CTNND2: variants seen among roughly 807,000 people sequenced by gnomAD.
CTNND2 encodes catenin delta-2.
CTNND2 carries 22 observed loss-of-function variants against 144.4 expected under a neutral mutation model. That is an observed-to-expected ratio of 0.15 (90% CI 0.11 to 0.22). CTNND2 has a LOEUF of 0.22. Among genes scored for constraint, CTNND2 ranks in the 10% least tolerant of loss-of-function variants. The pLI is 1.00. For synonymous variants in CTNND2, 751 were observed against 695.6 expected, an observed-to-expected ratio of 1.08 and a Z score of -1.25; for missense variants, 1,353 against 1,618.8, an observed-to-expected ratio of 0.84 and a Z score of 2.82.
intron 1 of CTNND2, among the ~76,000 whole-genome samples, chr5:11,779,450 C>T (rs545795814): frequency 2.0e-5 from 3 of 152,312 alleles, no homozygotes; most frequent in Admixed American, 6.5e-5. Context: ...TGACTCCAAT[C>T]GACCTAGTGG....
At chr5:11,878,536 A>T (rs1379721159) in intron 1 of CTNND2, among the ~76,000 whole-genome samples, 1 of 152,212 alleles carries the variant, frequency 6.6e-6, no homozygotes, top group Non-Finnish European at 1.5e-5. Flanking sequence ...CCAGATCTCA[A>T]ACTGAATACA....
intron 15 of CTNND2, among the ~76,000 whole-genome samples, chr5:11,096,560 GC>G (rs1449295201): frequency 1.3e-5 from 2 of 152,042 alleles, no homozygotes; most frequent in Non-Finnish European, 2.9e-5. Flanking sequence ...AATTCTAGAA[GC>G]TTGAGTTTGT....
chr5:11,863,008 T>G (rs1795573855), intron 1 of CTNND2, among the ~76,000 whole-genome samples: 1 of 152,200 alleles, frequency 6.6e-6, no homozygotes, highest in Non-Finnish European at 1.5e-5. Flanking sequence ...AGAGTTAGAT[T>G]TGGAGTCTCT....
chr5:11,216,393 G>T (rs1239467804), intron 10 of CTNND2, among the ~76,000 whole-genome samples: 2 of 152,242 alleles, frequency 1.3e-5, no homozygotes, highest in Admixed American at 6.5e-5. Flanking sequence ...CAACCAAAAA[G>T]TTCCTTTCAA....
At chr5:11,309,208 G>C (rs1423661442) in intron 9 of CTNND2, among the ~76,000 whole-genome samples, 3 of 152,164 alleles carry the variant, frequency 2.0e-5, no homozygotes, top group South Asian at 2.1e-4. Flanking sequence ...CTGTCCTCCA[G>C]ACCCCAGAAT....
At chr5:11,467,228 C>T (rs61757529) in intron 3 of CTNND2, among the ~76,000 whole-genome samples, 1,586 of 152,358 alleles carry the variant, frequency 0.01, 34 homozygotes, top group African/African-American at 0.037. Context: ...GAGCTCAGCT[C>T]TCCCAGGCTG....
intron 11 of CTNND2, among the ~76,000 whole-genome samples, chr5:11,165,006 A>G (rs1320912264): frequency 6.6e-6 from 1 of 152,238 alleles, no homozygotes; most frequent in Non-Finnish European, 1.5e-5. Context: ...AAAATAAAAA[A>G]TAACAGCTGG....
At chr5:11,091,577 G>T in intron 15 of CTNND2, among the ~76,000 whole-genome samples, 1 of 152,100 alleles carries the variant, frequency 6.6e-6, no homozygotes, top group East Asian at 1.9e-4. Context: ...ATTCCTACGG[G>T]TATCTTAAAG....
At chr5:11,334,304 T>A (rs985052337) in intron 9 of CTNND2, among the ~76,000 whole-genome samples, 3 of 152,202 alleles carry the variant, frequency 2.0e-5, no homozygotes, top group African/African-American at 7.2e-5. Flanking sequence ...AACATCACAC[T>A]GTAACCCATA....
At chr5:11,529,480 T>C (rs1390105311) in intron 3 of CTNND2, among the ~76,000 whole-genome samples, 1 of 152,254 alleles carries the variant, frequency 6.6e-6, no homozygotes, top group Non-Finnish European at 1.5e-5. Flanking sequence ...ATCTTTGATC[T>C]ATTTTTAACT....
chr5:11,771,398 T>C (rs1318223724), intron 1 of CTNND2, among the ~76,000 whole-genome samples: 1 of 151,986 alleles, frequency 6.6e-6, no homozygotes, highest in Non-Finnish European at 1.5e-5. Flanking sequence ...AATTTGAACA[T>C]TTTTCAATGT....
intron 16 of CTNND2, among the ~76,000 whole-genome samples, chr5:11,041,991 T>C (rs1347937302): frequency 4.6e-5 from 7 of 152,202 alleles, no homozygotes; most frequent in Non-Finnish European, 1.0e-4. Flanking sequence ...CTGTTCAACT[T>C]TGTTTAAGCA....
chr5:11,186,036 T>C (rs1735587674), intron 11 of CTNND2, among the ~76,000 whole-genome samples: 1 of 152,186 alleles, frequency 6.6e-6, no homozygotes, highest in African/African-American at 2.4e-5. Flanking sequence ...TCTCGGCAAA[T>C]ACAAAACAAA....
intron 3 of CTNND2, among the ~76,000 whole-genome samples, chr5:11,516,578 A>G (rs1772183241): frequency 6.6e-6 from 1 of 152,178 alleles, no homozygotes; most frequent in Non-Finnish European, 1.5e-5. Context: ...AATTAAGAAT[A>G]CAATTTCACT....
At chr5:11,790,811 T>G (rs574896532) in intron 1 of CTNND2, among the ~76,000 whole-genome samples, 1 of 152,290 alleles carries the variant, frequency 6.6e-6, no homozygotes, top group African/African-American at 2.4e-5. Flanking sequence ...ATGAACACCA[T>G]GTGGTAGGGT....
chr5:11,173,592 T>C (rs1760164415), intron 11 of CTNND2, among the ~76,000 whole-genome samples: 1 of 152,160 alleles, frequency 6.6e-6, no homozygotes, highest in Non-Finnish European at 1.5e-5. Flanking sequence ...GTGGGAGGGA[T>C]ACCATTAAGC....
chr5:11,609,908 G>A (rs957238229), intron 2 of CTNND2, among the ~76,000 whole-genome samples: 1 of 152,154 alleles, frequency 6.6e-6, no homozygotes, highest in African/African-American at 2.4e-5. Context: ...ATTATAGTTT[G>A]TCCCTAACAG....
chr5:10,989,819 TGCCC>T (rs1738462989), intron 19 of CTNND2, among the ~76,000 whole-genome samples: 1 of 152,214 alleles, frequency 6.6e-6, no homozygotes. Flanking sequence ...GAGGCAGAAG[TGCCC>T]AACAGACGTT....
At chr5:11,507,396 G>T (rs143438444) in intron 3 of CTNND2, among the ~76,000 whole-genome samples, 2 of 152,246 alleles carry the variant, frequency 1.3e-5, no homozygotes, top group East Asian at 3.9e-4. Context: ...AGATAAGGCT[G>T]GGAATGCCTT....
Sources: allele counts gnomAD v4.1 joint callset (sites outside exome capture counted in the v4.1 genomes callset), GRCh38; gene constraint gnomAD v4.1.1; transcripts MANE v1.5; gene names NCBI Gene and HGNC (gene_info 2026-07-23, HGNC 2026-07-21).